Variants in SLC7A6OS observed in about 807,000 individuals in gnomAD.
The protein encoded by SLC7A6OS is probable RNA polymerase II nuclear localization protein SLC7A6OS.
Under a neutral mutation model 34.3 loss-of-function variants are expected in SLC7A6OS, and 22 were observed. The observed-to-expected ratio is 0.64, with a 90% CI of 0.46 to 0.92. The LOEUF is 0.92. Ranked by LOEUF, SLC7A6OS falls within the 40% of genes least tolerant of loss-of-function variation. The pLI is 0.00. For missense variants in SLC7A6OS, 434 were observed against 407.7 expected, an observed-to-expected ratio of 1.06 and a Z score of -0.56; for synonymous variants, 199 against 165.0, an observed-to-expected ratio of 1.21 and a Z score of -1.58.
At position 68,302,473 on chromosome 16, in the gene SLC7A6OS, A is replaced by G; in HGVS notation, c.707T>C (p.Ile236Thr). The change falls in exon 4 of 5, where the codon ATT (isoleucine) becomes ACT (threonine). Residue 236 changes from isoleucine (I) to threonine (T), a missense_variant. Transcript: ENST00000263997. ...LVNDDQEPEDIYDDEDDENSE... is the reference protein window; with the variant it reads ...LVNDDQEPEDTYDDEDDENSE... ...GTTCTCGTCATCTTCATCGTCGTAAATGTCCTCTGGTTCTTGATCATCATT... is the reference window on the plus strand; with the variant it reads ...GTTCTCGTCATCTTCATCGTCGTAAGTGTCCTCTGGTTCTTGATCATCATT... 6.2e-7 allele frequency: 1 copy of G among 1,614,102 alleles called. No homozygotes were observed. Among genetic ancestry groups the G allele is most frequent in the Non-Finnish European group, 8.5e-7 (1 of 1,180,018 alleles).
Position 68,298,845 on chromosome 16 carries a change from G to C in SLC7A6OS, c.*2430C>G, listed in dbSNP as rs1029687057. The C allele has an allele frequency of 6.6e-6, 1 of 152,596 alleles. No individual in the cohort carries two copies. The highest frequency in any genetic ancestry group is 1.5e-5 in the Non-Finnish European group (1 of 68,114). 9.5% of individuals were successfully genotyped at this position (152,596 alleles called of 1,614,324 possible). A position where few individuals can be genotyped will look rare whatever the true frequency, so the allele number is the denominator to read the frequency against. On this transcript the variant is annotated 3_prime_UTR_variant, in exon 5 of 5. Transcript: ENST00000263997. ...GATGCCCCCAGACACTGTCATCCTG[G>C]GCCGAGAAGAACCTGCTAGCTTGAC...
chr16:68,302,275 C>G (rs550210416), intron 4 of SLC7A6OS, 106 bp downstream of exon 4: 2 of 1,376,758 alleles, frequency 1.5e-6, no homozygotes. Flanking sequence ...GGGCTGCTGG[C>G]GCTCAATGAC....
rs1270351164 is a variant in SLC7A6OS, at chr16:68,301,196, G to A, written c.*79C>T. On this transcript the variant is annotated 3_prime_UTR_variant, in exon 5 of 5. Coordinates refer to ENST00000263997, the MANE Select transcript of SLC7A6OS (RefSeq NM_032178.3). ...ACATGTTAAGCTAGGAAACCTAACA[G>A]GATGTCAGCAGGGCAGTTAACTCTG... 2 of 1,538,434 alleles carry A rather than the reference G, an allele frequency of 1.3e-6. No homozygotes were observed. Among genetic ancestry groups the A allele is most frequent in the Non-Finnish European group, 1.8e-6 (2 of 1,136,388 alleles).
chr16:68,300,569 C>G lies in SLC7A6OS; in HGVS notation c.*706G>C. 1 of 958,496 alleles carries G rather than the reference C, an allele frequency of 1.0e-6. No individual in the cohort carries two copies. Among genetic ancestry groups the G allele is most frequent in the Non-Finnish European group, 1.2e-6 (1 of 806,304 alleles). The allele number at this position is 958,496 out of a possible 1,614,324, so 59.4% of individuals were successfully genotyped here. A position where few individuals can be genotyped will look rare whatever the true frequency, so the allele number is the denominator to read the frequency against. The stretch of plus-strand genomic sequence containing the variant: ...GAACCTTCTATTTCACTACCGCTCC[C>G]TGTTTTAGATATTCAGATTTAAAAG... On this transcript the variant is annotated 3_prime_UTR_variant, in exon 5 of 5. Transcript: ENST00000263997.
At position 68,310,454 on chromosome 16, in the gene SLC7A6OS, C is replaced by T. The variant is rs535274480; in HGVS notation, c.352G>A (p.Gly118Ser). Reference sequence around the variant, plus strand: ...CCCGGCGTGTACTCGGACTCCTGGCCGCTCGAGGTGGTCCCCAAGGATCGG... The same window carrying T: ...CCCGGCGTGTACTCGGACTCCTGGCTGCTCGAGGTGGTCCCCAAGGATCGG... ...SRRSLGTTSS[G>S]QESEYTPGNP... The change falls in exon 2 of 5, where the codon GGC becomes AGC. Residue 118 changes from glycine (G) to serine (S), a missense_variant. Transcript: ENST00000263997. 6.2e-7 allele frequency: 1 copy of T among 1,602,542 alleles called. No individual in the cohort carries two copies. The highest frequency in any genetic ancestry group is 2.2e-5 in the East Asian group (1 of 44,528).
chr16:68,301,090 G>A lies in SLC7A6OS; in HGVS notation c.*185C>T. 7.7e-7 allele frequency: 1 copy of A among 1,304,120 alleles called. No homozygotes were observed. The highest frequency in any genetic ancestry group is 2.4e-5 in the South Asian group (1 of 40,944). The allele number at this position is 1,304,120 out of a possible 1,614,324, so 80.8% of individuals were successfully genotyped here. ...GAGGCAAAGGGGTCCTACTGTAAGT[G>A]GAAAAGACTCACTCCCCTAACATAA... On this transcript the variant is annotated 3_prime_UTR_variant, in exon 5 of 5. Transcript: ENST00000263997.
chr16:68,304,283 T>C, intron 2 of SLC7A6OS, 51 bp from the exon 3 acceptor site: 1 of 1,531,736 alleles, frequency 6.5e-7, no homozygotes, highest in Non-Finnish European at 9.0e-7. Context: ...AAACATGATG[T>C]TCCAAGAGGA....
chr16:68,309,051 CAA>C (rs57351239), intron 2 of SLC7A6OS, among the ~76,000 whole-genome samples: 63 of 68,382 alleles, frequency 9.2e-4, no homozygotes, highest in African/African-American at 1.4e-3. Flanking sequence ...GACTCTGACT[CAA>C]AAAAAAAAAA....
intron 3 of SLC7A6OS, 22 bp from the exon 4 acceptor site, chr16:68,302,523 T>C: frequency 6.2e-7 from 1 of 1,614,028 alleles, no homozygotes; most frequent in Non-Finnish European, 8.5e-7. Flanking sequence ...AACACAAACA[T>C]GAGTCCAAGT....
intron 2 of SLC7A6OS, among the ~76,000 whole-genome samples, chr16:68,307,238 A>C (rs2043333926): frequency 6.6e-6 from 1 of 152,260 alleles, no homozygotes; most frequent in African/African-American, 2.4e-5. Context: ...TTAAATTAAA[A>C]GAAAATATAA....
rs1297803891 is a variant in SLC7A6OS, at chr16:68,304,019, C to G, written c.678+7G>C. Reference sequence around the variant, plus strand: ...CTCATGCCCCGTCTGCTCATGGGCCCCCTTACCAGCTCCCATTCTTGGCTG... The same window carrying G: ...CTCATGCCCCGTCTGCTCATGGGCCGCCTTACCAGCTCCCATTCTTGGCTG... On this transcript the variant is annotated splice_region_variant and intron_variant, in intron 3 of 4. Coordinates refer to ENST00000263997, the MANE Select transcript of SLC7A6OS (RefSeq NM_032178.3). 2 of 1,612,592 alleles carry G rather than the reference C, an allele frequency of 1.2e-6. No homozygotes were observed. The highest frequency in any genetic ancestry group is 1.1e-5 in the South Asian group (1 of 91,016).
intron 1 of SLC7A6OS, 31 bp from the exon 2 acceptor site, chr16:68,310,644 T>A (rs2043483529): frequency 1.3e-6 from 2 of 1,582,514 alleles, no homozygotes; most frequent in Non-Finnish European, 1.7e-6. Context: ...GAGGCCAGCG[T>A]AAGCAGGAGT....
intron 3 of SLC7A6OS, chr16:68,303,803 TATTC>T: frequency 1.8e-6 from 1 of 549,442 alleles, no homozygotes; most frequent in Non-Finnish European, 3.2e-6. Context: ...CCTTGTAAAA[TATTC>T]ATTAATGTAA....
In SLC7A6OS at chr16:68,310,780, C is replaced by A. The variant is rs1357221657; in HGVS notation, c.147G>T (p.Ala49=). Residue 49 remains alanine, a synonymous_variant, in exon 1 of 5, where the codon GCG becomes GCT. Transcript: ENST00000263997. ...AQKTSEGLER[A]AENNVFHLVA... is the part of the protein sequence containing the mutation. ...CCAAGTGGAAGACATTATTCTCCGC[C>A]GCTCTCTCCAAACCCTCCGACGTCT... The A allele has an allele frequency of 1.2e-6, 2 of 1,613,422 alleles. No individual in the cohort carries two copies. Among genetic ancestry groups the A allele is most frequent in the African/African-American group, 2.7e-5 (2 of 74,928 alleles).
intron 2 of SLC7A6OS, among the ~76,000 whole-genome samples, chr16:68,309,220 C>T (rs1455894236): frequency 1.3e-5 from 2 of 151,806 alleles, no homozygotes; most frequent in African/African-American, 2.4e-5. Flanking sequence ...CCAGCCTCCC[C>T]AGTAGCTAGG....
rs2043212288 is a variant in SLC7A6OS at position 68,298,392 on chromosome 16, C to T, written c.*2883G>A. 6.6e-6 allele frequency: 1 copy of T among 152,592 alleles called. No individual in the cohort carries two copies. Among genetic ancestry groups the T allele is most frequent in the South Asian group, 2.1e-4 (1 of 4,834 alleles). The allele number at this position is 152,592 out of a possible 1,614,324, so 9.5% of individuals were successfully genotyped here. ...CTCTCTGTAAGGGCAGTGTGAGGGA[C>T]TGCTGTGCAGACCCAAGCAATCCCA... On this transcript the variant is annotated 3_prime_UTR_variant, in exon 5 of 5. Transcript: ENST00000263997.
intron 2 of SLC7A6OS, among the ~76,000 whole-genome samples, chr16:68,305,208 C>A (rs1010942454): frequency 3.3e-5 from 5 of 152,132 alleles, no homozygotes; most frequent in African/African-American, 1.2e-4. Context: ...TATGGCTGAA[C>A]CTGAAATGAG....
In SLC7A6OS at chr16:68,300,486, A is replaced by T. The variant is rs560593687; in HGVS notation, c.*789T>A. ...CATTACTCAGTGGAAAGCTAAGTTCAGAAGGTACTTTGTTTTTCCTCCCTT... is the reference window on the plus strand; with the variant it reads ...CATTACTCAGTGGAAAGCTAAGTTCTGAAGGTACTTTGTTTTTCCTCCCTT... On this transcript the variant is annotated 3_prime_UTR_variant, in exon 5 of 5. Coordinates refer to ENST00000263997, the MANE Select transcript of SLC7A6OS (RefSeq NM_032178.3). 1.6e-4 allele frequency: 62 copies of T among 382,932 alleles called. No individual in the cohort carries two copies. The highest frequency in any genetic ancestry group is 1.3e-3 in the African/African-American group (61 of 45,658). 23.7% of individuals were successfully genotyped at this position (382,932 alleles called of 1,614,324 possible).
chr16:68,310,386 G>A lies in SLC7A6OS; in HGVS notation c.420C>T (p.Asp140=). Residue 140 remains aspartate (D), a synonymous_variant, in exon 2 of 5, where the codon GAC becomes GAT. Transcript: ENST00000263997. ...AAGNSGFQLL[D]LVHEEGEPEA... Reference sequence around the variant, plus strand: ...CAGGTTCTCCCTCCTCGTGGACAAGGTCTAACAACTGAAAGCCCGAGTTCC... The same window carrying A: ...CAGGTTCTCCCTCCTCGTGGACAAGATCTAACAACTGAAAGCCCGAGTTCC... The A allele has an allele frequency of 1.2e-6, 2 of 1,612,722 alleles. No individual in the cohort carries two copies. The highest frequency in any genetic ancestry group is 1.7e-6 in the Non-Finnish European group (2 of 1,179,538).
Sources: gnomAD v4.1 joint callset for allele counts (sites outside exome capture counted in the v4.1 genomes callset) on GRCh38, gnomAD v4.1.1 for gene constraint, MANE v1.5 for transcripts, NCBI Gene and HGNC (gene_info 2026-07-23, HGNC 2026-07-21) for gene names.